Variants in ACACA observed in about 807,000 individuals in gnomAD.
ACACA encodes the protein acetyl-CoA carboxylase alpha.
Under a neutral mutation model 296.1 loss-of-function variants are expected in ACACA, and 103 were observed. The ratio of observed to expected loss-of-function variants is 0.35; its 90% CI spans 0.30 to 0.41. The LOEUF is 0.41. Among genes scored for constraint, ACACA ranks in the 10% least tolerant of loss-of-function variants. The pLI, the probability that ACACA is intolerant of heterozygous loss-of-function variation, is 1.00. For missense variants in ACACA, 1,554 were observed against 2,989.7 expected (o/e 0.52, Z 11.20); for synonymous variants, 953 against 1,038.6 (o/e 0.92, Z 1.58).
At chr17:37,312,891 A>T (rs888932537) in intron 3 of ACACA, among the ~76,000 whole-genome samples, 1 of 152,198 alleles carries the variant, frequency 6.6e-6, no homozygotes, top group Admixed American at 6.6e-5. Flanking sequence ...AAACAAAAAA[A>T]ATATATAAAG....
chr17:37,244,894 A>T (rs1033669216), intron 20 of ACACA, among the ~76,000 whole-genome samples, 160 bp from the exon 21 acceptor site: 2 of 152,236 alleles, frequency 1.3e-5, no homozygotes, highest in Non-Finnish European at 2.9e-5. Flanking sequence ...ACAGAATCTT[A>T]GTACTACAGT....
chr17:37,380,205 C>T (rs962056654), intron 1 of ACACA, among the ~76,000 whole-genome samples: 1 of 143,522 alleles, frequency 7.0e-6, no homozygotes, highest in Non-Finnish European at 1.5e-5. Flanking sequence ...TATTCTCACT[C>T]ATAGGTGGGA....
Position 37,221,125 on chromosome 17 carries a change from C to T in ACACA, c.3683+599G>A, listed in dbSNP as rs71382461. ...AAAGCAATTCTGAAACAAAAACGTC[C>T]ATATGTACATTTTATTTTTTAAAAG... is the stretch of plus-strand genomic sequence containing the variant. On this transcript the variant is annotated intron_variant, in intron 29 of 55. Coordinates refer to ENST00000616317, the MANE Select transcript of ACACA (RefSeq NM_198834.3). 7.5e-3 allele frequency among the ~76,000 whole-genome samples: 1,147 copies of T among 152,166 alleles called. 7 individuals are homozygous for T. Among genetic ancestry groups the T allele is most frequent in the Non-Finnish European group, 0.013 (905 of 67,986 alleles).
At chr17:37,307,462 C>T (rs1006558603) in intron 3 of ACACA, among the ~76,000 whole-genome samples, 1 of 152,108 alleles carries the variant, frequency 6.6e-6, no homozygotes, top group South Asian at 2.1e-4. Context: ...ATTTGCAAAT[C>T]CCTGATGACT....
chr17:37,268,303 A>G (rs1380606616), intron 10 of ACACA, among the ~76,000 whole-genome samples: 1 of 152,202 alleles, frequency 6.6e-6, no homozygotes, highest in East Asian at 1.9e-4. Flanking sequence ...TTCTCTGGAA[A>G]GGATTTACAT....
intron 3 of ACACA, among the ~76,000 whole-genome samples, chr17:37,320,510 C>CAA (rs879337642): frequency 7.6e-6 from 1 of 131,698 alleles, no homozygotes; most frequent in Non-Finnish European, 1.6e-5. Context: ...GACTTCATCT[C>CAA]AAAAAAAAAA....
chr17:37,244,497 C>T, intron 21 of ACACA, 91 bp downstream of exon 21: 1 of 1,508,456 alleles, frequency 6.6e-7, no homozygotes, highest in Non-Finnish European at 9.2e-7. Context: ...TTCTTTTCCT[C>T]CCTCTTAAAC....
At chr17:37,254,245 C>T (rs558246928) in intron 14 of ACACA, among the ~76,000 whole-genome samples, 1 of 152,140 alleles carries the variant, frequency 6.6e-6, no homozygotes, top group Non-Finnish European at 1.5e-5. Context: ...AAATTCATCT[C>T]CCTACAGTTT....
chr17:37,404,926 G>A (rs947246319), intron 1 of ACACA, among the ~76,000 whole-genome samples: 2 of 151,976 alleles, frequency 1.3e-5, no homozygotes, highest in Admixed American at 6.6e-5. Context: ...TCAACCCTTC[G>A]TCATATTCTG....
At chr17:37,269,034 A>G (rs983622900) in intron 10 of ACACA, among the ~76,000 whole-genome samples, 2 of 138,884 alleles carry the variant, frequency 1.4e-5, no homozygotes, top group Admixed American at 7.4e-5. Flanking sequence ...TTAGAATTCA[A>G]TGAAAAAAAT....
chr17:37,401,747 T>A (rs185685795), intron 1 of ACACA, among the ~76,000 whole-genome samples: 1 of 151,888 alleles, frequency 6.6e-6, no homozygotes, highest in African/African-American at 2.4e-5. Flanking sequence ...TTTTGTAGAG[T>A]TGAACTCTCA....
In ACACA at chr17:37,200,199, G is replaced by A; in HGVS notation, c.4114-16C>T. ...TTCTGAAATCCTTTCAAATAAAAGA[G>A]AGAAAGGAAGGAAAGACAGCAGAAG... On this transcript the variant is annotated splice_polypyrimidine_tract_variant and intron_variant, in intron 34 of 55. Transcript: ENST00000616317. 6.2e-7 allele frequency: 1 copy of A among 1,602,238 alleles called. No individual in the cohort carries two copies.
intron 1 of ACACA, among the ~76,000 whole-genome samples, chr17:37,374,934 G>A (rs1233960811): frequency 6.6e-6 from 1 of 152,044 alleles, no homozygotes; most frequent in Non-Finnish European, 1.5e-5. Context: ...GGTGGCTCAC[G>A]GCTGTAATCC....
intron 41 of ACACA, among the ~76,000 whole-genome samples, chr17:37,171,986 C>T (rs111718550): frequency 2.2e-3 from 335 of 152,212 alleles, no homozygotes; most frequent in Admixed American, 4.4e-3. Context: ...ATTAATCATA[C>T]GAATGAGTGC....
intron 43 of ACACA, among the ~76,000 whole-genome samples, chr17:37,152,183 A>G (rs955511330): frequency 1.4e-4 from 22 of 152,328 alleles, no homozygotes; most frequent in African/African-American, 5.0e-4. Flanking sequence ...GAATAATAAT[A>G]TCTACCTCTA....
chr17:37,221,791 G>A lies in ACACA; in HGVS notation c.3616C>T (p.Arg1206Cys). The change falls in exon 29 of 56, where the codon CGC (arginine) becomes TGC (cysteine). Residue 1206 changes from arginine to cysteine, a missense_variant. Transcript: ENST00000616317. ...IAYELNSVQH[R>C]QLKDNTCVVE... ...ACACAGGTGTTGTCCTTAAGCTGGC[G>A]GTGTTGTACGCTGTTAAGTTCATAG... 3 of 1,614,096 alleles carry A rather than the reference G, an allele frequency of 1.9e-6. No homozygotes were observed. The highest frequency in any genetic ancestry group is 2.5e-6 in the Non-Finnish European group (3 of 1,179,994).
chr17:37,289,033 C>T (rs1456291074), intron 3 of ACACA, among the ~76,000 whole-genome samples: 3 of 152,020 alleles, frequency 2.0e-5, no homozygotes, highest in African/African-American at 7.2e-5. Context: ...GAGGCTGAGG[C>T]GGATGGATCA....
chr17:37,239,174 G>T (rs2080268100), intron 24 of ACACA, among the ~76,000 whole-genome samples: 2 of 151,706 alleles, frequency 1.3e-5, no homozygotes, highest in African/African-American at 4.8e-5. Context: ...CTAAACAATT[G>T]CTCTACTGTA....
At chr17:37,088,281 GAAA>G (rs2072357845) in intron 55 of ACACA, among the ~76,000 whole-genome samples, 1 of 152,152 alleles carries the variant, frequency 6.6e-6, no homozygotes, top group African/African-American at 2.4e-5. Flanking sequence ...AATGCACACT[GAAA>G]TATTTGGGGG....
Sources: allele counts gnomAD v4.1 joint callset (sites outside exome capture counted in the v4.1 genomes callset), GRCh38; gene constraint gnomAD v4.1.1; transcripts MANE v1.5; gene names NCBI Gene and HGNC (gene_info 2026-07-23, HGNC 2026-07-21).